ERGIC1: variants seen among roughly 807,000 people sequenced by gnomAD.
ERGIC1 encodes endoplasmic reticulum-golgi intermediate compartment 1.
In ERGIC1, 19 loss-of-function variants were observed where a neutral mutation model predicts 38.3. The ratio of observed to expected loss-of-function variants is 0.50; its 90% CI spans 0.35 to 0.73. ERGIC1 has a LOEUF of 0.73. Ranked by LOEUF, ERGIC1 falls within the 30% of genes least tolerant of loss-of-function variation. ERGIC1 has a pLI of 0.01. For missense variants in ERGIC1, 294 were observed against 389.2 expected (o/e 0.76, Z 2.06); for synonymous variants, 124 against 157.6 (o/e 0.79, Z 1.60).
chr5:172,913,153 T>A (rs1763251705), intron 4 of ERGIC1, among the ~76,000 whole-genome samples: 1 of 152,362 alleles, frequency 6.6e-6, no homozygotes, highest in South Asian at 2.1e-4. Context: ...GCTCGAGGTC[T>A]CAGCGCTAGT....
intron 2 of ERGIC1, among the ~76,000 whole-genome samples, chr5:172,892,067 T>G (rs911362759): frequency 6.8e-6 from 1 of 147,406 alleles, no homozygotes; most frequent in Non-Finnish European, 1.5e-5. Context: ...AGTATGTTTT[T>G]TTTTTTTTTT....
At chr5:172,928,123 G>A (rs1033115967) in intron 7 of ERGIC1, among the ~76,000 whole-genome samples, 16 of 152,148 alleles carry the variant, frequency 1.1e-4, no homozygotes, top group African/African-American at 2.7e-4. Context: ...GACGTCGGCC[G>A]TCCACAAATG....
chr5:172,873,388 A>G (rs971276130), intron 1 of ERGIC1, among the ~76,000 whole-genome samples: 3 of 152,168 alleles, frequency 2.0e-5, no homozygotes, highest in African/African-American at 4.8e-5. Context: ...GCCTGAGCTC[A>G]TCTGTCTGTT....
rs556851979 is a variant in ERGIC1 at position 172,908,843 on chromosome 5, C to T, written c.156-824C>T. On this transcript the variant is annotated intron_variant, in intron 3 of 9. Coordinates refer to ENST00000393784, the MANE Select transcript of ERGIC1 (RefSeq NM_001031711.3). Reference sequence around the variant, plus strand: ...CAGCCGTCAAGTCGTTTCTCAGAACCGGTTCTGCCCCTACGGATGGGCATC... The same window carrying T: ...CAGCCGTCAAGTCGTTTCTCAGAACTGGTTCTGCCCCTACGGATGGGCATC... 7.9e-5 allele frequency among the ~76,000 whole-genome samples: 12 copies of T among 152,306 alleles called. No homozygotes were observed. In the South Asian group the frequency reaches 2.3e-3, roughly 29 times the overall value.
chr5:172,919,812 G>T (rs1763463403), intron 5 of ERGIC1, among the ~76,000 whole-genome samples: 1 of 152,174 alleles, frequency 6.6e-6, no homozygotes, highest in Non-Finnish European at 1.5e-5. Flanking sequence ...GCACATGGAG[G>T]GCGTCCAAGA....
intron 2 of ERGIC1, among the ~76,000 whole-genome samples, chr5:172,892,098 G>A (rs112164649): frequency 2.1e-4 from 21 of 101,616 alleles, no homozygotes; most frequent in African/African-American, 6.7e-4. Flanking sequence ...AAACTTACAA[G>A]GTCCTGCCAA....
chr5:172,886,840 C>T (rs1338281359), intron 1 of ERGIC1, among the ~76,000 whole-genome samples: 1 of 152,180 alleles, frequency 6.6e-6, no homozygotes, highest in Non-Finnish European at 1.5e-5. Flanking sequence ...ACAGCACATG[C>T]TCTTACCTCT....
chr5:172,905,381 G>T, intron 3 of ERGIC1: 1 of 458,798 alleles, frequency 2.2e-6, no homozygotes, highest in South Asian at 1.6e-5. Flanking sequence ...TAGGGAGGCC[G>T]ATCCTCCTCG....
chr5:172,935,286 G>A lies in ERGIC1; in HGVS notation c.741G>A (p.Gln247=). The stretch of plus-strand genomic sequence containing the variant: ...CGGTCAAGTACACAGAGAGACGGCA[G>A]CCGCTGTACAGATTCATCACCACGG... The part of the protein sequence containing the change: ...PITVKYTERR[Q]PLYRFITTIC... Residue 247 remains glutamine (Q), a synonymous_variant, in exon 9 of 10, where the codon CAG becomes CAA. Transcript: ENST00000393784. 2 of 1,614,144 alleles carry A rather than the reference G, an allele frequency of 1.2e-6. No individual in the cohort carries two copies. Among genetic ancestry groups the A allele is most frequent in the Non-Finnish European group, 1.7e-6 (2 of 1,180,036 alleles).
intron 9 of ERGIC1, chr5:172,937,139 C>T (rs1214887396): frequency 1.3e-5 from 2 of 152,134 alleles, no homozygotes; most frequent in African/African-American, 2.4e-5. Context: ...ACAAACGGCA[C>T]ATAACATAAA....
At chr5:172,870,502 C>T (rs1376564766) in intron 1 of ERGIC1, among the ~76,000 whole-genome samples, 1 of 152,236 alleles carries the variant, frequency 6.6e-6, no homozygotes, top group Admixed American at 6.5e-5. Context: ...AGATGACCAA[C>T]GCTCCGGTCT....
At chr5:172,894,758 C>G (rs1364366642) in intron 2 of ERGIC1, among the ~76,000 whole-genome samples, 1 of 152,216 alleles carries the variant, frequency 6.6e-6, no homozygotes, top group Non-Finnish European at 1.5e-5. Context: ...GGCACCGCCC[C>G]CCTCAAGGTG....
At chr5:172,836,612 C>T (rs1017521830) in intron 1 of ERGIC1, among the ~76,000 whole-genome samples, 1 of 152,210 alleles carries the variant, frequency 6.6e-6, no homozygotes, top group African/African-American at 2.4e-5. Flanking sequence ...CCCCATGCAC[C>T]TTCCTCCGCT....
chr5:172,868,809 A>G (rs540402777), intron 1 of ERGIC1, among the ~76,000 whole-genome samples: 6 of 152,232 alleles, frequency 3.9e-5, no homozygotes, highest in Non-Finnish European at 5.9e-5. Context: ...CAGGCAGGAT[A>G]TGGGAAATCG....
chr5:172,879,326 T>TA (rs1445402737), intron 1 of ERGIC1, among the ~76,000 whole-genome samples: 2 of 152,264 alleles, frequency 1.3e-5, no homozygotes, highest in African/African-American at 4.8e-5. Context: ...CCTCACTCTG[T>TA]AGGCAAGATG....
At chr5:172,902,373 G>T (rs2113339703) in intron 3 of ERGIC1, among the ~76,000 whole-genome samples, 1 of 152,340 alleles carries the variant, frequency 6.6e-6, no homozygotes, top group Non-Finnish European at 1.5e-5. Context: ...TGGGTTGTGA[G>T]CCAGGCTGGG....
At chr5:172,839,458 G>A (rs1188825638) in intron 1 of ERGIC1, among the ~76,000 whole-genome samples, 1 of 151,916 alleles carries the variant, frequency 6.6e-6, no homozygotes, top group African/African-American at 2.4e-5. Flanking sequence ...CAGCTTCTTG[G>A]GAGGCTGAGG....
At chr5:172,844,782 C>G (rs890658857) in intron 1 of ERGIC1, among the ~76,000 whole-genome samples, 1 of 152,206 alleles carries the variant, frequency 6.6e-6, no homozygotes, top group Non-Finnish European at 1.5e-5. Context: ...ATTGGACCTG[C>G]TGTCCTCTTT....
intron 7 of ERGIC1, among the ~76,000 whole-genome samples, chr5:172,928,327 G>A (rs912074692): frequency 2.0e-5 from 3 of 152,178 alleles, no homozygotes; most frequent in Non-Finnish European, 4.4e-5. Context: ...CTGGGGAAGG[G>A]CTGGCTTTTA....
Sources: gnomAD v4.1 joint callset for allele counts (sites outside exome capture counted in the v4.1 genomes callset) on GRCh38, gnomAD v4.1.1 for gene constraint, MANE v1.5 for transcripts, NCBI Gene and HGNC (gene_info 2026-07-23, HGNC 2026-07-21) for gene names.